Variants in CHL1 observed in about 807,000 individuals in gnomAD.
CHL1 encodes the protein neural cell adhesion molecule L1-like protein.
A neutral mutation model predicts 141.9 loss-of-function variants in CHL1; 96 were observed. The ratio of observed to expected loss-of-function variants is 0.68; its 90% CI spans 0.57 to 0.80. The LOEUF is 0.80. Among genes scored for constraint, CHL1 ranks in the 30% least tolerant of loss-of-function variants. CHL1 has a pLI of 0.00. For missense variants in CHL1, 1,820 were observed against 1,457.2 expected (o/e 1.25, Z -4.05); for synonymous variants, 613 against 502.2 (o/e 1.22, Z -2.95).
chr3:258,250 C>T (rs1187632865), intron 2 of CHL1, among the ~76,000 whole-genome samples: 1 of 152,200 alleles, frequency 6.6e-6, no homozygotes, highest in African/African-American at 2.4e-5. Context: ...GGAAATCAAT[C>T]ATATTATTAT....
intron 1 of CHL1, among the ~76,000 whole-genome samples, chr3:219,381 A>G (rs962662296): frequency 1.3e-5 from 2 of 152,188 alleles, no homozygotes; most frequent in African/African-American, 4.8e-5. Context: ...ATTCATATGT[A>G]TGTTCATTGC....
At chr3:211,171 G>A (rs1699875627) in intron 1 of CHL1, among the ~76,000 whole-genome samples, 2 of 152,124 alleles carry the variant, frequency 1.3e-5, no homozygotes, top group Non-Finnish European at 1.5e-5. Context: ...TCTTGAGGAG[G>A]GAGAGAAAAG....
At chr3:222,382 C>A (rs543969305) in intron 1 of CHL1, among the ~76,000 whole-genome samples, 1 of 152,082 alleles carries the variant, frequency 6.6e-6, no homozygotes, top group Non-Finnish European at 1.5e-5. Flanking sequence ...AATGAAGCCA[C>A]AATAAGGCAT....
intron 1 of CHL1, among the ~76,000 whole-genome samples, chr3:200,312 A>T (rs916543428): frequency 6.6e-6 from 1 of 152,204 alleles, no homozygotes; most frequent in Non-Finnish European, 1.5e-5. Context: ...AGAGTAGGAA[A>T]ACATGACAGA....
chr3:302,953 C>T (rs1698891156), intron 2 of CHL1, among the ~76,000 whole-genome samples: 1 of 152,138 alleles, frequency 6.6e-6, no homozygotes, highest in Non-Finnish European at 1.5e-5. Context: ...TTTCAGTTTT[C>T]TGCATATGGC....
chr3:342,926 A>G (rs1218670454), intron 7 of CHL1, 58 bp from the exon 8 acceptor site: 2 of 1,380,858 alleles, frequency 1.4e-6, no homozygotes, highest in Non-Finnish European at 2.0e-6. Flanking sequence ...TTCATTCTTT[A>G]TTGATATCAG....
intron 1 of CHL1, among the ~76,000 whole-genome samples, chr3:201,627 TG>T (rs1402100668): frequency 6.6e-6 from 1 of 152,176 alleles, no homozygotes; most frequent in Non-Finnish European, 1.5e-5. Flanking sequence ...ACTGACAGTT[TG>T]GTACATTTAG....
At position 394,856 on chromosome 3, in the gene CHL1, C is replaced by T. The variant is rs758688067; in HGVS notation, c.3078C>T (p.Ser1026=). 5.6e-6 allele frequency: 9 copies of T among 1,612,176 alleles called. No individual in the cohort carries two copies. In the East Asian group the frequency reaches 1.8e-4, roughly 32 times the overall value. The change falls in exon 24 of 28, where the codon TCC becomes TCT. Residue 1026 remains serine (S), a synonymous_variant. Transcript: ENST00000256509. ...GAAAACCGATCACGGAGGAAAGCTC[C>T]ACCTTAGGAGAAGGGAGTAAGTACA... ...GCGKPITEES[S]TLGEGSKGIG...
chr3:378,565 T>C (rs2125372150), intron 16 of CHL1, among the ~76,000 whole-genome samples: 1 of 152,316 alleles, frequency 6.6e-6, no homozygotes, highest in Middle Eastern at 3.4e-3. Context: ...TTTCCAAAAT[T>C]TCCCTTCCAG....
chr3:354,509 C>T (rs1703534241), intron 10 of CHL1, 131 bp from the exon 11 acceptor site: 2 of 1,011,010 alleles, frequency 2.0e-6, no homozygotes, highest in Non-Finnish European at 2.8e-6. Context: ...GCAAGTTTAC[C>T]AAAAAGAGCT....
chr3:405,862 G>A lies in CHL1; in HGVS notation c.*151G>A. The A allele has an allele frequency of 1.7e-6, 1 of 605,672 alleles. No homozygotes were observed. The highest frequency in any genetic ancestry group is 2.0e-5 in the South Asian group (1 of 49,544). 37.5% of individuals were successfully genotyped at this position (605,672 alleles called of 1,614,324 possible). A position where few individuals can be genotyped will look rare whatever the true frequency, so the allele number is the denominator to read the frequency against. On this transcript the variant is annotated 3_prime_UTR_variant, in exon 28 of 28. Transcript: ENST00000256509. ...TCCTGCAATTATGTTGAAAAGAGTA[G>A]TACTTTCTTCAAAATATAAAATGCC...
chr3:391,279 G>A (rs1708208594), intron 22 of CHL1, 120 bp downstream of exon 22: 3 of 769,570 alleles, frequency 3.9e-6, no homozygotes, highest in African/African-American at 1.7e-5. Flanking sequence ...ACTTTGGGAG[G>A]CCAAGGCAGA....
intron 1 of CHL1, among the ~76,000 whole-genome samples, chr3:243,192 C>T (rs1346126395): frequency 6.6e-6 from 1 of 152,154 alleles, no homozygotes; most frequent in Non-Finnish European, 1.5e-5. Context: ...CATTTTGAGT[C>T]AACAAATGCA....
chr3:405,572 G>A lies in CHL1; in HGVS notation c.3536G>A (p.Ser1179Asn). 6.2e-7 allele frequency: 1 copy of A among 1,613,474 alleles called. No homozygotes were observed. The highest frequency in any genetic ancestry group is 8.5e-7 in the Non-Finnish European group (1 of 1,179,552). The change falls in exon 28 of 28, where the codon AGC becomes AAC. Residue 1179 changes from serine to asparagine, a missense_variant. Coordinates refer to ENST00000256509, the MANE Select transcript of CHL1 (RefSeq NM_006614.4). ...RDMQPTESADSLVEYGEGDHG... is the reference protein window; with the variant it reads ...RDMQPTESADNLVEYGEGDHG... Reference sequence around the variant, plus strand: ...ATGCAGCCTACTGAAAGTGCTGACAGCTTAGTCGAATACGGAGAGGGAGAC... The same window carrying A: ...ATGCAGCCTACTGAAAGTGCTGACAACTTAGTCGAATACGGAGAGGGAGAC...
intron 2 of CHL1, among the ~76,000 whole-genome samples, chr3:314,298 A>G (rs71611518): frequency 9.8e-6 from 1 of 101,852 alleles, no homozygotes; most frequent in African/African-American, 3.9e-5. Context: ...CCAATCTTGC[A>G]CTCTCTCTCT....
chr3:280,234 T>C (rs1696517023), intron 2 of CHL1, among the ~76,000 whole-genome samples: 2 of 151,802 alleles, frequency 1.3e-5, no homozygotes, highest in African/African-American at 4.8e-5. Context: ...TTAGTGTACC[T>C]AACAGTGATG....
chr3:324,320 A>G (rs1197568110), intron 3 of CHL1, among the ~76,000 whole-genome samples: 2 of 152,016 alleles, frequency 1.3e-5, no homozygotes, highest in Non-Finnish European at 2.9e-5. Context: ...CTCATACTTT[A>G]TTTGCCAAAG....
chr3:348,885 C>A, intron 9 of CHL1, among the ~76,000 whole-genome samples: 1 of 152,184 alleles, frequency 6.6e-6, no homozygotes, highest in African/African-American at 2.4e-5. Context: ...TGATCAGCAT[C>A]ATAGGATTAA....
intron 2 of CHL1, among the ~76,000 whole-genome samples, chr3:309,825 C>T (rs1699606867): frequency 6.6e-6 from 1 of 152,092 alleles, no homozygotes; most frequent in African/African-American, 2.4e-5. Flanking sequence ...CTATGTTTTT[C>T]TAATTAGTTT....
Sources: allele counts gnomAD v4.1 joint callset (sites outside exome capture counted in the v4.1 genomes callset), GRCh38; gene constraint gnomAD v4.1.1; transcripts MANE v1.5; gene names NCBI Gene and HGNC (gene_info 2026-07-23, HGNC 2026-07-21).